Variants in CENPI observed in about 807,000 individuals in gnomAD.
CENPI encodes the protein centromere protein I.
In CENPI, 4 loss-of-function variants were observed where a neutral mutation model predicts 60.4. That is an observed-to-expected ratio of 0.07 (90% CI 0.03 to 0.15). CENPI has a LOEUF of 0.15. Among genes scored for constraint, CENPI ranks in the 10% least tolerant of loss-of-function variants. The pLI, the probability that CENPI is intolerant of heterozygous loss-of-function variation, is 1.00. For missense variants in CENPI, 444 were observed against 534.5 expected (o/e 0.83, Z 1.67); for synonymous variants, 157 against 189.4 (o/e 0.83, Z 1.40).
intron 8 of CENPI, among the ~76,000 whole-genome samples, chrX:101,122,317 A>G (rs761054201): frequency 9.0e-6 from 1 of 111,715 alleles, no homozygotes; most frequent in South Asian, 3.7e-4. Flanking sequence ...CATTTATTGA[A>G]TGAAAGACAC....
intron 6 of CENPI, among the ~76,000 whole-genome samples, chrX:101,113,665 T>C (rs961137806): frequency 8.9e-6 from 1 of 112,125 alleles, no homozygotes; most frequent in Non-Finnish European, 1.9e-5. Context: ...TCCCAGTATC[T>C]TTGCTCATCA....
In CENPI at chrX:101,142,255, C is replaced by T. The variant is rs763346472; in HGVS notation, c.1565+1495C>T. 1.1e-4 allele frequency among the ~76,000 whole-genome samples: 12 copies of T among 111,987 alleles called. No homozygotes were observed. In the East Asian group the frequency reaches 1.4e-3, roughly 13 times the overall value. On this transcript the variant is annotated intron_variant, in intron 16 of 21. Transcript: ENST00000682095. ...TCTGTATTATCTTTTCAAAAATCTT[C>T]GGATTCCTCTTTTATTAGTGTCATA...
chrX:101,159,523 A>T (rs1418948166), intron 20 of CENPI, among the ~76,000 whole-genome samples: 1 of 105,793 alleles, frequency 9.5e-6, no homozygotes, highest in African/African-American at 3.5e-5. Context: ...CCATGGCATG[A>T]TCTTGGCTCT....
intron 6 of CENPI, among the ~76,000 whole-genome samples, chrX:101,115,259 C>T (rs1046251417): frequency 1.7e-4 from 18 of 107,833 alleles, no homozygotes; most frequent in Non-Finnish European, 9.6e-5. Context: ...CCACCGAGCC[C>T]GGCCATTTAT....
intron 20 of CENPI, among the ~76,000 whole-genome samples, chrX:101,154,230 C>T (rs754243939): frequency 1.8e-5 from 2 of 111,493 alleles, no homozygotes; most frequent in Non-Finnish European, 3.8e-5. Context: ...ATTGTTGGTT[C>T]TTTGAAATTC....
At chrX:101,103,533 G>A (rs150922305) in intron 4 of CENPI, among the ~76,000 whole-genome samples, 1,663 of 109,987 alleles carry the variant, frequency 0.015, 42 homozygotes, top group African/African-American at 0.052. Flanking sequence ...TGGAGATGGG[G>A]TTTCTCCATG....
chrX:101,111,759 C>T (rs1337849585), intron 6 of CENPI, among the ~76,000 whole-genome samples: 4 of 111,647 alleles, frequency 3.6e-5, no homozygotes, highest in East Asian at 2.8e-4. Flanking sequence ...GATGGCCAAG[C>T]GCGGTGGCTC....
chrX:101,139,897 C>T (rs1253494018), intron 15 of CENPI, among the ~76,000 whole-genome samples: 6 of 106,587 alleles, frequency 5.6e-5, no homozygotes, highest in Admixed American at 5.1e-4. Flanking sequence ...TGCAGTGGCA[C>T]GATCTTGGCT....
At chrX:101,149,003 AAAC>A (rs1322129880) in intron 20 of CENPI, among the ~76,000 whole-genome samples, 1 of 111,611 alleles carries the variant, frequency 9.0e-6, no homozygotes, top group East Asian at 2.8e-4. Flanking sequence ...ATCTTAGAAA[AAAC>A]AATAATAAGT....
Position 101,163,958 on chromosome X carries a change from C to T in CENPI, c.*991C>T, listed in dbSNP as rs746956829. Reference sequence around the variant, plus strand: ...GCTGGGGCAGGAGAATCGCTTGAACCCGGGAGGCGGAGGTTGCAGTGAGCC... The same window carrying T: ...GCTGGGGCAGGAGAATCGCTTGAACTCGGGAGGCGGAGGTTGCAGTGAGCC... On this transcript the variant is annotated 3_prime_UTR_variant, in exon 22 of 22. Transcript: ENST00000682095. 7.2e-4 allele frequency among the ~76,000 whole-genome samples: 79 copies of T among 109,573 alleles called. No individual in the cohort carries two copies. The highest frequency in any genetic ancestry group is 2.5e-3 in the African/African-American group (76 of 30,114).
intron 6 of CENPI, among the ~76,000 whole-genome samples, chrX:101,116,303 T>G (rs1337991237): frequency 1.3e-4 from 13 of 101,408 alleles, no homozygotes; most frequent in South Asian, 8.2e-4. Context: ...TTTTGGGGGG[T>G]TTTTTTTTTA....
downstream of CENPI, among the ~76,000 whole-genome samples, chrX:101,168,847 G>C (rs1177660795): frequency 9.0e-6 from 1 of 111,705 alleles, no homozygotes; most frequent in Non-Finnish European, 1.9e-5. Context: ...ATCCAGAGCT[G>C]CAGCAGTGTA....
chrX:101,146,892 G>A (rs964960131), intron 18 of CENPI, among the ~76,000 whole-genome samples: 18 of 110,161 alleles, frequency 1.6e-4, no homozygotes, highest in Non-Finnish European at 3.4e-4. Flanking sequence ...CCGCCACCAC[G>A]CCTGGCTAAT....
the CENPI span, among the ~76,000 whole-genome samples, chrX:101,180,010 A>T: frequency 8.9e-6 from 1 of 112,438 alleles, no homozygotes; most frequent in Non-Finnish European, 1.9e-5. Flanking sequence ...TATTATGTTC[A>T]TGCCAGTGGG....
chrX:101,159,680 T>G (rs889502881), intron 20 of CENPI, among the ~76,000 whole-genome samples: 1 of 110,738 alleles, frequency 9.0e-6, no homozygotes, highest in Non-Finnish European at 1.9e-5. Flanking sequence ...CAGGCTGGTC[T>G]CGAACTCCTG....
At chrX:101,153,299 C>CTT (rs763357036) in intron 20 of CENPI, among the ~76,000 whole-genome samples, 18 of 98,791 alleles carry the variant, frequency 1.8e-4, no homozygotes, top group Non-Finnish European at 2.0e-4. Context: ...ATTTCTTGTT[C>CTT]TTTTTTTTTT....
Position 101,116,993 on chromosome X carries a change from A to G in CENPI, c.592-3409A>G, listed in dbSNP as rs986404915. ...CCATTTGTATACCCTCCCTGGAGAAATGTCTCTTAGGATCCTTTGCCCTCT... is the reference window on the plus strand; with the variant it reads ...CCATTTGTATACCCTCCCTGGAGAAGTGTCTCTTAGGATCCTTTGCCCTCT... On this transcript the variant is annotated intron_variant, in intron 6 of 21. Transcript: ENST00000682095. Among the ~76,000 whole-genome samples the G allele has an allele frequency of 7.7e-4, 86 of 111,277 alleles. 1 individual carries two copies. The highest frequency in any genetic ancestry group is 2.7e-3 in the African/African-American group (82 of 30,662).
the CENPI span, among the ~76,000 whole-genome samples, chrX:101,179,869 C>T: frequency 8.9e-6 from 1 of 111,931 alleles, no homozygotes; most frequent in African/African-American, 3.2e-5. Flanking sequence ...TTTACTAGAC[C>T]TTATGGTAAT....
At chrX:101,171,446 T>A in the CENPI span, among the ~76,000 whole-genome samples, 1 of 112,108 alleles carries the variant, frequency 8.9e-6, no homozygotes, top group South Asian at 3.7e-4. Flanking sequence ...AGAAAACTTT[T>A]TTTTATTTTG....
Sources: gnomAD v4.1 joint callset for allele counts (sites outside exome capture counted in the v4.1 genomes callset) on GRCh38, gnomAD v4.1.1 for gene constraint, MANE v1.5 for transcripts, NCBI Gene and HGNC (gene_info 2026-07-23, HGNC 2026-07-21) for gene names.